Variants in CSDE1 observed in about 807,000 individuals in gnomAD.
CSDE1 encodes the protein cold shock domain-containing protein E1.
Under a neutral mutation model 89.3 loss-of-function variants are expected in CSDE1, and 17 were observed. The observed-to-expected ratio is 0.19, with a 90% confidence interval of 0.13 to 0.29. The LOEUF (loss-of-function observed/expected upper bound fraction) is 0.29, where lower values mean the gene tolerates loss of function less well. Ranked by LOEUF, CSDE1 falls within the 10% of genes least tolerant of loss-of-function variation. The pLI is 1.00. For synonymous variants in CSDE1, 322 were observed against 332.8 expected (o/e 0.97, Z 0.35); for missense variants, 672 against 984.2 (o/e 0.68, Z 4.24).
Position 114,736,811 on chromosome 1 carries a change from G to T in CSDE1, c.447C>A (p.Asn149Lys). Residue 149 changes from asparagine (N) to lysine (K), a missense_variant, in exon 6 of 20, where the codon AAC becomes AAA. Physicochemically the swap from Asn to Lys is moderately conservative, Grantham distance 94. This residue lies in a region of CSDE1 where 124 missense variants were observed against 138.7 expected (regional missense o/e 0.89). Coordinates refer to ENST00000358528, the MANE Select transcript of CSDE1 (RefSeq NM_001007553.3). Reference sequence around the variant, plus strand: ...TTTTATCTCCAGTTTCCAGCTGAACGTTCCCTTCGACATCTTCAGGGGTGT... The same window carrying T: ...TTTTATCTCCAGTTTCCAGCTGAACTTTCCCTTCGACATCTTCAGGGGTGT... ...LTYTPEDVEG[N>K]VQLETGDKIN... 6.2e-7 allele frequency: 1 copy of T among 1,612,852 alleles called. No homozygotes were observed. Among genetic ancestry groups the T allele is most frequent in the Non-Finnish European group, 8.5e-7 (1 of 1,179,372 alleles).
chr1:114,732,118 T>G (rs899469996), intron 10 of CSDE1, among the ~76,000 whole-genome samples: 1 of 152,058 alleles, frequency 6.6e-6, no homozygotes, highest in South Asian at 2.1e-4. Flanking sequence ...CTATGATTTT[T>G]TTTTTAAAAA....
intron 2 of CSDE1, among the ~76,000 whole-genome samples, chr1:114,741,011 T>A (rs926048360): frequency 5.9e-5 from 9 of 152,130 alleles, no homozygotes; most frequent in Non-Finnish European, 1.3e-4. Context: ...ATCACGTAAA[T>A]CAAAGCCACC....
intron 2 of CSDE1, among the ~76,000 whole-genome samples, chr1:114,743,155 A>C (rs147757973): frequency 6.6e-6 from 1 of 152,062 alleles, no homozygotes; most frequent in African/African-American, 2.4e-5. Context: ...TTAATTAATT[A>C]ATTTATTTTT....
chr1:114,729,366 T>G (rs955123435), intron 12 of CSDE1, among the ~76,000 whole-genome samples: 10 of 152,054 alleles, frequency 6.6e-5, no homozygotes, highest in Admixed American at 4.6e-4. Context: ...CCCAAAGTGC[T>G]GGGTTTACAG....
chr1:114,735,649 G>A (rs1318153832), intron 6 of CSDE1, among the ~76,000 whole-genome samples: 1 of 152,140 alleles, frequency 6.6e-6, no homozygotes, highest in Non-Finnish European at 1.5e-5. Flanking sequence ...AAGGTTCAAG[G>A]CAGATAATCC....
chr1:114,735,608 T>C (rs1192549488), intron 6 of CSDE1, among the ~76,000 whole-genome samples: 1 of 152,176 alleles, frequency 6.6e-6, no homozygotes, highest in Non-Finnish European at 1.5e-5. Flanking sequence ...CAACACAATC[T>C]GATTCCTTCA....
At position 114,739,640 on chromosome 1, in the gene CSDE1, T is replaced by C. The variant is rs923425661; in HGVS notation, c.199+52A>G. 82 of 1,504,050 alleles carry C rather than the reference T, an allele frequency of 5.5e-5. No individual in the cohort carries two copies. The Middle Eastern group carries it at 8.6e-4, about 16-fold the overall frequency. The allele number at this position is 1,504,050 out of a possible 1,614,324, so 93.2% of individuals were successfully genotyped here. On this transcript the variant is annotated intron_variant, in intron 3 of 19. Coordinates refer to ENST00000358528, the MANE Select transcript of CSDE1 (RefSeq NM_001007553.3). Reference sequence around the variant, plus strand: ...AAAAACACTCATGAACAAATTGATATGCAAGACAAATTTTGTGATTACATT... The same window carrying C: ...AAAAACACTCATGAACAAATTGATACGCAAGACAAATTTTGTGATTACATT...
At chr1:114,748,580 C>T (rs193044102) in intron 2 of CSDE1, among the ~76,000 whole-genome samples, 6 of 152,330 alleles carry the variant, frequency 3.9e-5, no homozygotes, top group African/African-American at 1.4e-4. Flanking sequence ...ACTACTCTAA[C>T]TTCCCTATTC....
chr1:114,754,563 A>C (rs1436619798), intron 1 of CSDE1, among the ~76,000 whole-genome samples: 2 of 152,222 alleles, frequency 1.3e-5, no homozygotes, highest in Non-Finnish European at 2.9e-5. Context: ...AGGCAGGAAA[A>C]AACAAAGACC....
At position 114,739,838 on chromosome 1, in the gene CSDE1, T is replaced by C; in HGVS notation, c.53A>G (p.Asn18Ser). 2 of 1,614,108 alleles carry C rather than the reference T, an allele frequency of 1.2e-6. No individual in the cohort carries two copies. Among genetic ancestry groups the C allele is most frequent in the Non-Finnish European group, 1.7e-6 (2 of 1,179,966 alleles). The change falls in exon 3 of 20, where the codon AAT (asparagine) becomes AGT (serine). Residue 18 changes from asparagine (N) to serine (S), a missense_variant. Physicochemically the swap from Asn to Ser is conservative, Grantham distance 46. Around this residue, in one of 8 missense-constraint regions of CSDE1, gnomAD observed 26 missense variants for 24.3 expected, o/e 1.07. Transcript: ENST00000358528. ...LHNNGHNGYP[N>S]GTSAALRETG... ...TTCACGCAGTGCTGCTGAAGTACCA[T>C]TAGGGTACCCATTATGTCCATTGTT...
At chr1:114,754,633 C>T (rs1177862273) in intron 1 of CSDE1, among the ~76,000 whole-genome samples, 1 of 152,198 alleles carries the variant, frequency 6.6e-6, no homozygotes, top group Non-Finnish European at 1.5e-5. Context: ...TTGAGCACCA[C>T]ATTTTATAAC....
intron 16 of CSDE1, among the ~76,000 whole-genome samples, chr1:114,721,845 C>T (rs1287925144): frequency 2.7e-5 from 4 of 150,534 alleles, no homozygotes; most frequent in Non-Finnish European, 2.9e-5. Context: ...CTTGGCCTCC[C>T]GAAGTGTTGG....
chr1:114,743,259 T>G (rs986992016), intron 2 of CSDE1, among the ~76,000 whole-genome samples: 1 of 152,160 alleles, frequency 6.6e-6, no homozygotes, highest in East Asian at 1.9e-4. Context: ...TGGTACGATA[T>G]TGGCTCACTG....
At chr1:114,753,148 T>C (rs775406825) in intron 1 of CSDE1, among the ~76,000 whole-genome samples, 2 of 152,214 alleles carry the variant, frequency 1.3e-5, no homozygotes, top group East Asian at 3.8e-4. Flanking sequence ...TTAGGTGTAT[T>C]AATGAACCCA....
At chr1:114,757,744 G>C (rs923946045) in intron 1 of CSDE1, among the ~76,000 whole-genome samples, 181 bp downstream of exon 1, 1 of 152,102 alleles carries the variant, frequency 6.6e-6, no homozygotes, top group Non-Finnish European at 1.5e-5. Context: ...ATGAGGCCCA[G>C]GCAGTTGAAC....
At chr1:114,744,584 C>CA (rs1201847093) in intron 2 of CSDE1, among the ~76,000 whole-genome samples, 1 of 151,804 alleles carries the variant, frequency 6.6e-6, no homozygotes, top group East Asian at 1.9e-4. Context: ...AAAACAAAAA[C>CA]AAAACAACAA....
chr1:114,749,808 A>G lies in CSDE1; in HGVS notation c.-1+13T>C, dbSNP rs970911906. 1 of 152,672 alleles carries G rather than the reference A, an allele frequency of 6.5e-6. No individual in the cohort carries two copies. The highest frequency in any genetic ancestry group is 2.4e-5 in the African/African-American group (1 of 41,458). The allele number at this position is 152,672 out of a possible 1,614,324, so 9.5% of individuals were successfully genotyped here. ...TTATGGAACTGATTCTTAATAGGAA[A>G]TTACAAACCTACCTCGCAGTGATAC... On this transcript the variant is annotated intron_variant, in intron 2 of 19. Coordinates refer to ENST00000358528, the MANE Select transcript of CSDE1 (RefSeq NM_001007553.3).
At chr1:114,733,139 A>T (rs553121552) in intron 9 of CSDE1, among the ~76,000 whole-genome samples, 51 of 152,312 alleles carry the variant, frequency 3.3e-4, no homozygotes, top group African/African-American at 1.1e-3. Flanking sequence ...AGGAGGGAAC[A>T]AATGTACACC....
intron 6 of CSDE1, among the ~76,000 whole-genome samples, chr1:114,735,189 C>T (rs1570924215): frequency 1.3e-5 from 2 of 152,216 alleles, no homozygotes; most frequent in South Asian, 2.1e-4. Flanking sequence ...TGTGTAGCAG[C>T]GATGTAAATT....
Sources: allele counts gnomAD v4.1 joint callset (sites outside exome capture counted in the v4.1 genomes callset), GRCh38; gene constraint gnomAD v4.1.1; regional missense constraint gnomAD v4.1.1; transcripts MANE v1.5; gene names NCBI Gene and HGNC (gene_info 2026-07-23, HGNC 2026-07-21).